Variants in FBXO31 observed in about 807,000 individuals in gnomAD.
The protein encoded by FBXO31 is F-box only protein 31.
FBXO31 carries 24 observed loss-of-function variants against 54.4 expected under a neutral mutation model. The observed-to-expected ratio is 0.44, with a 90% confidence interval of 0.32 to 0.62. FBXO31 has a LOEUF of 0.62. FBXO31 is among the 20% of genes least tolerant of loss of function. FBXO31 has a pLI of 0.05. For synonymous variants in FBXO31, 388 were observed against 335.6 expected, an observed-to-expected ratio of 1.16 and a Z score of -1.71; for missense variants, 665 against 787.1, an observed-to-expected ratio of 0.84 and a Z score of 1.86.
At chr16:87,357,553 C>T (rs899774614) in intron 2 of FBXO31, among the ~76,000 whole-genome samples, 36 of 152,086 alleles carry the variant, frequency 2.4e-4, no homozygotes, top group Admixed American at 7.2e-4. Flanking sequence ...GTCTCGAACT[C>T]CTGACCTCAG....
chr16:87,350,086 G>A (rs1054657317), intron 2 of FBXO31, among the ~76,000 whole-genome samples: 2 of 152,104 alleles, frequency 1.3e-5, no homozygotes, highest in Non-Finnish European at 2.9e-5. Flanking sequence ...ATCTGCTTGA[G>A]TGAGCATGTG....
rs1219278547 is a variant in FBXO31, at chr16:87,335,059, G to A, written c.996+245C>T. Among the ~76,000 whole-genome samples, 1 of 152,214 alleles carries A rather than the reference G, an allele frequency of 6.6e-6. No individual in the cohort carries two copies. Among genetic ancestry groups the A allele is most frequent in the Non-Finnish European group, 1.5e-5 (1 of 68,024 alleles). On this transcript the variant is annotated intron_variant, in intron 7 of 8. Coordinates refer to ENST00000311635, the MANE Select transcript of FBXO31 (RefSeq NM_024735.5). This position sits in a 1 kb window ranked among gnomAD's most constrained non-coding sequence, Gnocchi z 5.7. ...GCCAGGGTGGCCGGGGCTGAGCGGTGCTGTGGGAAGGCCACCTTGGAAGCA... is the reference window on the plus strand; with the variant it reads ...GCCAGGGTGGCCGGGGCTGAGCGGTACTGTGGGAAGGCCACCTTGGAAGCA...
Position 87,335,686 on chromosome 16 carries a change from C to T in FBXO31, c.843-229G>A, listed in dbSNP as rs1905026608. 6.6e-6 allele frequency among the ~76,000 whole-genome samples: 1 copy of T among 152,150 alleles called. No homozygotes were observed. Among genetic ancestry groups the T allele is most frequent in the Admixed American group, 6.5e-5 (1 of 15,286 alleles). On this transcript the variant is annotated intron_variant, in intron 6 of 8. Transcript: ENST00000311635. This position sits in a 1 kb window ranked among gnomAD's most constrained non-coding sequence, Gnocchi z 5.7. ...ACAGGACTTCTGGGGTTAAGGGGGGCATCAGCGCCAGGGCAGAGCTTTAGG... is the reference window on the plus strand; with the variant it reads ...ACAGGACTTCTGGGGTTAAGGGGGGTATCAGCGCCAGGGCAGAGCTTTAGG...
Position 87,336,155 on chromosome 16 carries a change from T to C in FBXO31, c.842A>G (p.Asp281Gly). 6.2e-7 allele frequency: 1 copy of C among 1,613,522 alleles called. No individual in the cohort carries two copies. The highest frequency in any genetic ancestry group is 8.5e-7 in the Non-Finnish European group (1 of 1,179,526). Reference protein sequence around the residue: ...LMKFIYTSQYDNCLTYRRIYL... With the variant: ...LMKFIYTSQYGNCLTYRRIYL... ...AGCACCGAGCAGGAGCCGCACTCAC[T>C]CGTACTGACTGGTGTAGATGAACTT... The change falls in exon 6 of 9, where the codon GAC becomes GGC. Residue 281 changes from aspartate to glycine, a missense_variant and splice_region_variant. By Grantham distance (94) the Asp-to-Gly change is moderately conservative (BLOSUM62 -1). Coordinates refer to ENST00000311635, the MANE Select transcript of FBXO31 (RefSeq NM_024735.5). This position sits in a 1 kb window ranked among gnomAD's most constrained non-coding sequence, Gnocchi z 6.5.
In FBXO31 at chr16:87,331,260, C is replaced by T. The variant is rs756167286; in HGVS notation, c.*28G>A. 1 of 1,600,562 alleles carries T rather than the reference C, an allele frequency of 6.2e-7. No individual in the cohort carries two copies. The highest frequency in any genetic ancestry group is 8.6e-7 in the Non-Finnish European group (1 of 1,168,584). ...CAGAGTTCAGAGCCCCAGAGCCACC[C>T]GGGATGTGGCGGCAAGGATGTGGCC... On this transcript the variant is annotated 3_prime_UTR_variant, in exon 9 of 9. Transcript: ENST00000311635.
intron 5 of FBXO31, among the ~76,000 whole-genome samples, chr16:87,341,932 CCG>C (rs1404084478): frequency 5.3e-5 from 8 of 152,162 alleles, no homozygotes; most frequent in African/African-American, 2.4e-5. Context: ...CACACCCTGG[CCG>C]CGCGCGATGG....
chr16:87,377,814 A>G (rs930011683), intron 1 of FBXO31, among the ~76,000 whole-genome samples: 1 of 151,758 alleles, frequency 6.6e-6, no homozygotes, highest in Non-Finnish European at 1.5e-5. Flanking sequence ...GGGTGACAGA[A>G]AGAGACCCAG....
intron 5 of FBXO31, among the ~76,000 whole-genome samples, chr16:87,340,396 A>G (rs1166545725): frequency 6.6e-6 from 1 of 152,264 alleles, no homozygotes; most frequent in Non-Finnish European, 1.5e-5. Context: ...AGGGTAACCT[A>G]GGACAAAAGC....
intron 8 of FBXO31, 51 bp from the exon 9 acceptor site, chr16:87,331,561 T>G (rs1904860643): frequency 1.4e-6 from 2 of 1,452,558 alleles, no homozygotes; most frequent in Non-Finnish European, 1.9e-6. Flanking sequence ...CTGAGTCAAA[T>G]GCACGCCACG....
intron 5 of FBXO31, 24 bp downstream of exon 5, chr16:87,342,853 C>G: frequency 6.3e-7 from 1 of 1,583,162 alleles, no homozygotes; most frequent in Non-Finnish European, 8.6e-7. Context: ...ACCATATGAA[C>G]ACAGGGCCGG....
chr16:87,344,989 C>T, intron 3 of FBXO31, among the ~76,000 whole-genome samples: 1 of 152,166 alleles, frequency 6.6e-6, no homozygotes, highest in Admixed American at 6.5e-5. Flanking sequence ...GCCCCGAACC[C>T]CACCTGGGGG....
chr16:87,372,706 G>A (rs868287229), intron 1 of FBXO31, among the ~76,000 whole-genome samples: 1 of 151,094 alleles, frequency 6.6e-6, no homozygotes, highest in South Asian at 2.1e-4. Context: ...GGCCACAGGC[G>A]TGTGCCACCA....
intron 1 of FBXO31, among the ~76,000 whole-genome samples, chr16:87,370,117 G>C (rs939517719): frequency 1.3e-5 from 2 of 152,170 alleles, no homozygotes; most frequent in Non-Finnish European, 2.9e-5. Flanking sequence ...CTCTCTGGTG[G>C]GAATGCTTTG....
chr16:87,341,492 CT>C (rs1265753492), intron 5 of FBXO31, among the ~76,000 whole-genome samples: 1 of 151,712 alleles, frequency 6.6e-6, no homozygotes, highest in Admixed American at 6.6e-5. Context: ...CCCATCTCTA[CT>C]AAAAATACAA....
At chr16:87,372,205 C>T (rs773060367) in intron 1 of FBXO31, among the ~76,000 whole-genome samples, 1 of 152,102 alleles carries the variant, frequency 6.6e-6, no homozygotes, top group Non-Finnish European at 1.5e-5. Flanking sequence ...GTCTAGGCAA[C>T]AGAGTAGGGA....
chr16:87,387,958 G>A (rs149702560), upstream of FBXO31, among the ~76,000 whole-genome samples: 311 of 152,324 alleles, frequency 2.0e-3, 1 homozygote, highest in African/African-American at 7.1e-3. Context: ...TTGAACAAGA[G>A]GATTGCAGTT....
At chr16:87,390,935 G>T (rs533106782), upstream of FBXO31, among the ~76,000 whole-genome samples, 30 of 152,308 alleles carry the variant, frequency 2.0e-4, no homozygotes, top group Admixed American at 1.2e-3. Flanking sequence ...TTACAGTGTA[G>T]AGTGTATTAG....
At chr16:87,332,917 GC>G (rs954611871) in intron 8 of FBXO31, among the ~76,000 whole-genome samples, 3 of 152,312 alleles carry the variant, frequency 2.0e-5, no homozygotes, top group Admixed American at 1.3e-4. Context: ...CCTCAAAACA[GC>G]CCCCAAGGCC....
chr16:87,356,503 TCTGGCCTCCACTCAG>T lies in FBXO31; in HGVS notation c.412+3777_412+3791del, dbSNP rs1472067137. Among the ~76,000 whole-genome samples, 3 of 152,188 alleles carry T rather than the reference TCTGGCCTCCACTCAG, an allele frequency of 2.0e-5. No homozygotes were observed. The East Asian group carries it at 5.8e-4, about 29-fold the overall frequency. The stretch of plus-strand genomic sequence containing the variant: ...ACAGACTCCTGAGAGGTCCCCTGGC[TCTGGCCTCCACTCAG>T]CTAGACAGTTCACACCTCAACAAGG... On this transcript the variant is annotated intron_variant, in intron 2 of 8. Coordinates refer to ENST00000311635, the MANE Select transcript of FBXO31 (RefSeq NM_024735.5).
Sources: allele counts gnomAD v4.1 joint callset (sites outside exome capture counted in the v4.1 genomes callset), GRCh38; gene constraint gnomAD v4.1.1; non-coding constraint Gnocchi (gnomAD v3.1); transcripts MANE v1.5; gene names NCBI Gene and HGNC (gene_info 2026-07-23, HGNC 2026-07-21).